Variants in TEX11 observed in about 807,000 individuals in gnomAD.
TEX11 encodes the protein testis expressed 11.
In TEX11, 7 loss-of-function variants were observed where a neutral mutation model predicts 84.4. The ratio of observed to expected loss-of-function variants is 0.08; its 90% CI spans 0.05 to 0.16. The LOEUF (loss-of-function observed/expected upper bound fraction) is 0.16, where lower values mean the gene tolerates loss of function less well. Among genes scored for constraint, TEX11 ranks in the 10% least tolerant of loss-of-function variants. The probability of loss-of-function intolerance (pLI) is 1.00; values close to 1 mark genes in which losing one functional copy is unlikely to be tolerated. For missense variants in TEX11, 551 were observed against 660.5 expected (o/e 0.83, Z 1.82); for synonymous variants, 264 against 222.8 (o/e 1.18, Z -1.64).
At chrX:70,553,932 T>C (rs1410407817) in intron 26 of TEX11, among the ~76,000 whole-genome samples, 2 of 111,769 alleles carry the variant, frequency 1.8e-5, no homozygotes, top group East Asian at 2.8e-4. Flanking sequence ...GGAGCAGTGG[T>C]TGCTGTCACA....
At chrX:70,876,226 T>C (rs1376153933) in intron 3 of TEX11, among the ~76,000 whole-genome samples, 3 of 112,155 alleles carry the variant, frequency 2.7e-5, no homozygotes, top group Non-Finnish European at 5.6e-5. Flanking sequence ...AGTATAATTA[T>C]AGCTAAATAA....
intron 9 of TEX11, among the ~76,000 whole-genome samples, chrX:70,792,315 AATATAT>A (rs1556087562): frequency 6.7e-5 from 1 of 14,914 alleles, no homozygotes; most frequent in Non-Finnish European, 1.0e-4. Context: ...AAAAAAAAAA[AATATAT>A]ATATATATAT....
chrX:70,609,005 C>G, intron 22 of TEX11, 86 bp downstream of exon 22: 2 of 776,014 alleles, frequency 2.6e-6, no homozygotes, highest in East Asian at 6.8e-5. Context: ...CCCACAGCTA[C>G]AAATGAAAGA....
At chrX:70,678,539 A>G (rs777967014) in intron 15 of TEX11, among the ~76,000 whole-genome samples, 103 of 110,941 alleles carry the variant, frequency 9.3e-4, no homozygotes, top group African/African-American at 3.4e-3. Context: ...TCATGTTAAA[A>G]AAATTACATT....
chrX:70,567,392 G>A (rs369286172), intron 25 of TEX11, among the ~76,000 whole-genome samples: 85 of 111,168 alleles, frequency 7.6e-4, no homozygotes, highest in Middle Eastern at 4.6e-3. Flanking sequence ...GGGTTTTTGC[G>A]TCTCTATTTC....
chrX:70,724,514 A>C (rs1439541459), intron 12 of TEX11, among the ~76,000 whole-genome samples: 1 of 111,866 alleles, frequency 8.9e-6, no homozygotes, highest in Non-Finnish European at 1.9e-5. Flanking sequence ...GCAGCTCTTA[A>C]AGATTACTGA....
intron 28 of TEX11, among the ~76,000 whole-genome samples, chrX:70,548,621 G>A (rs983127390): frequency 1.1e-4 from 12 of 110,770 alleles, no homozygotes; most frequent in Admixed American, 3.8e-4. Flanking sequence ...CACAGTGATT[G>A]TGGGATCTTG....
At chrX:70,625,242 A>C (rs947930659) in intron 18 of TEX11, among the ~76,000 whole-genome samples, 1 of 110,527 alleles carries the variant, frequency 9.0e-6, no homozygotes, top group Non-Finnish European at 1.9e-5. Context: ...AGAACCCCAG[A>C]TTGTCAGGTC....
At chrX:70,640,775 A>C (rs1397455807) in intron 17 of TEX11, among the ~76,000 whole-genome samples, 1 of 111,135 alleles carries the variant, frequency 9.0e-6, no homozygotes, top group Non-Finnish European at 1.9e-5. Context: ...GGAAGCACTG[A>C]ACATGGAAAG....
At chrX:70,564,341 T>C (rs2088422075) in intron 25 of TEX11, among the ~76,000 whole-genome samples, 2 of 112,369 alleles carry the variant, frequency 1.8e-5, no homozygotes, top group African/African-American at 6.5e-5. Flanking sequence ...CATGTATTAC[T>C]TTTTTCTCTA....
chrX:70,581,205 T>C (rs2088770056), intron 25 of TEX11, among the ~76,000 whole-genome samples: 1 of 109,082 alleles, frequency 9.2e-6, no homozygotes, highest in African/African-American at 3.3e-5. Context: ...AGGGTCTTCC[T>C]ATGTTGCCCA....
At chrX:70,771,546 TA>T (rs906383036) in intron 9 of TEX11, among the ~76,000 whole-genome samples, 7 of 111,357 alleles carry the variant, frequency 6.3e-5, no homozygotes, top group African/African-American at 1.3e-4. Context: ...GAAAAAAACT[TA>T]AAAAAAACTC....
intron 5 of TEX11, among the ~76,000 whole-genome samples, chrX:70,855,158 T>G (rs2091529206): frequency 9.0e-6 from 1 of 111,558 alleles, no homozygotes; most frequent in African/African-American, 3.3e-5. Flanking sequence ...AATAGTATAA[T>G]ATAACTAACA....
intron 18 of TEX11, among the ~76,000 whole-genome samples, chrX:70,625,370 A>C (rs1326923560): frequency 1.8e-5 from 2 of 110,601 alleles, no homozygotes; most frequent in Non-Finnish European, 3.8e-5. Flanking sequence ...AATTCAGTCC[A>C]CTTTCAGCAA....
the TEX11 span, among the ~76,000 whole-genome samples, chrX:70,520,460 A>G: frequency 1.8e-5 from 2 of 112,337 alleles, no homozygotes; most frequent in African/African-American, 6.5e-5. Flanking sequence ...GCTGCAGAAC[A>G]GCAAATATTG....
intron 15 of TEX11, among the ~76,000 whole-genome samples, chrX:70,671,910 T>TATATATATATACACACAC (rs57166359): frequency 1.0e-4 from 7 of 67,981 alleles, no homozygotes; most frequent in Non-Finnish European, 2.0e-4. Flanking sequence ...TATATATATA[T>TATATATATATACACACAC]ACACACACAC....
chrX:70,704,778 G>A (rs777065549), intron 13 of TEX11, among the ~76,000 whole-genome samples: 3 of 108,475 alleles, frequency 2.8e-5, no homozygotes, highest in Admixed American at 9.9e-5. Flanking sequence ...TACTTTTATC[G>A]TTTATGACAA....
At position 70,878,168 on chromosome X, in the gene TEX11, C is replaced by CTTTTT. The variant is rs34459152; in HGVS notation, c.159+1815_159+1819dup. 2.1e-4 allele frequency among the ~76,000 whole-genome samples: 15 copies of CTTTTT among 72,537 alleles called. 1 individual carries two copies. Among genetic ancestry groups the CTTTTT allele is most frequent in the African/African-American group, 6.0e-4 (11 of 18,308 alleles). 63.0% of individuals were successfully genotyped at this position (72,537 alleles called of 115,157 possible). A position where few individuals can be genotyped will look rare whatever the true frequency, so the allele number is the denominator to read the frequency against. On this transcript the variant is annotated intron_variant, in intron 3 of 29. Coordinates refer to ENST00000374333, the MANE Select transcript of TEX11 (RefSeq NM_031276.3). ...GGAAAAACTGGATCCCTCTATCCCT[C>CTTTTT]TTTTTTTTTTTTTTTTTTTTTTGAG... is the stretch of plus-strand genomic sequence containing the variant.
chrX:70,606,525 T>C (rs1237561953), intron 23 of TEX11, among the ~76,000 whole-genome samples: 1 of 112,146 alleles, frequency 8.9e-6, no homozygotes, highest in Admixed American at 9.5e-5. Context: ...CCTAAGCTTC[T>C]TATCTCTTTT....
Sources: gnomAD v4.1 joint callset for allele counts (sites outside exome capture counted in the v4.1 genomes callset) on GRCh38, gnomAD v4.1.1 for gene constraint, MANE v1.5 for transcripts, NCBI Gene and HGNC (gene_info 2026-07-23, HGNC 2026-07-21) for gene names.